SELENOF: variants seen among roughly 807,000 people sequenced by gnomAD.
SELENOF encodes 15 kDa selenoprotein.
Under a neutral mutation model 20.5 loss-of-function variants are expected in SELENOF, and 16 were observed. The observed-to-expected ratio is 0.78, with a 90% confidence interval of 0.53 to 1.19. The LOEUF is 1.19. Ranked by LOEUF, SELENOF falls within the 50% of genes most tolerant of loss-of-function variation. The pLI, the probability that SELENOF is intolerant of heterozygous loss-of-function variation, is 0.00. For missense variants in SELENOF, 215 were observed against 194.2 expected, an observed-to-expected ratio of 1.11 and a Z score of -0.64; for synonymous variants, 78 against 74.5, an observed-to-expected ratio of 1.05 and a Z score of -0.24.
chr1:86,869,994 C>T lies in SELENOF; in HGVS notation c.317-1892G>A, dbSNP rs543074953. Among the ~76,000 whole-genome samples the T allele has an allele frequency of 1.3e-4, 20 of 152,210 alleles. No homozygotes were observed. In the South Asian group the frequency reaches 1.9e-3, roughly 14 times the overall value. ...TTCACCATGTTAGCCAGGATGGTCT[C>T]GATCTCCTGACCTTGTGATCCGCCT... On this transcript the variant is annotated intron_variant, in intron 3 of 4. Coordinates refer to ENST00000331835, the MANE Select transcript of SELENOF (RefSeq NM_004261.5).
chr1:86,906,643 A>AAGG (rs1293478365), intron 1 of SELENOF, among the ~76,000 whole-genome samples: 1 of 152,212 alleles, frequency 6.6e-6, no homozygotes, highest in African/African-American at 2.4e-5. Flanking sequence ...GACAACATGG[A>AAGG]AGGGCCCATG....
chr1:86,906,941 A>C (rs540775333), intron 1 of SELENOF, among the ~76,000 whole-genome samples: 2 of 152,394 alleles, frequency 1.3e-5, no homozygotes, highest in South Asian at 4.1e-4. Context: ...ACTCGTTAAC[A>C]AACGTATAAA....
rs1312106745 is a variant in SELENOF at position 86,862,605 on chromosome 1, A to C, written c.*869T>G. ...CCAACAATAAGATGTTATAAGTTTT[A>C]AATATTACAGCCATTTTTACATTTT... On this transcript the variant is annotated 3_prime_UTR_variant, in exon 5 of 5. Coordinates refer to ENST00000331835, the MANE Select transcript of SELENOF (RefSeq NM_004261.5). 6.6e-6 allele frequency: 1 copy of C among 152,224 alleles called. No homozygotes were observed. The highest frequency in any genetic ancestry group is 2.1e-4 in the South Asian group (1 of 4,834). 9.4% of individuals were successfully genotyped at this position (152,224 alleles called of 1,614,324 possible). A position where few individuals can be genotyped will look rare whatever the true frequency, so the allele number is the denominator to read the frequency against.
chr1:86,881,169 A>C (rs1659057786), intron 2 of SELENOF, among the ~76,000 whole-genome samples: 1 of 152,068 alleles, frequency 6.6e-6, no homozygotes, highest in African/African-American at 2.4e-5. Context: ...CAAAGTTTTA[A>C]AATTAAAACA....
At chr1:86,898,852 T>G (rs1013000200) in intron 2 of SELENOF, among the ~76,000 whole-genome samples, 22 of 151,730 alleles carry the variant, frequency 1.4e-4, no homozygotes, top group Non-Finnish European at 2.4e-4. Flanking sequence ...GGCAGGGTCA[T>G]AGGACAATAG....
chr1:86,907,970 G>C (rs1048903627), intron 1 of SELENOF, among the ~76,000 whole-genome samples: 13 of 149,496 alleles, frequency 8.7e-5, no homozygotes, highest in Non-Finnish European at 1.5e-4. Flanking sequence ...TGGGCGGTAA[G>C]TGTGAATCGC....
At chr1:86,885,822 G>C (rs867541301) in intron 2 of SELENOF, among the ~76,000 whole-genome samples, 2 of 152,156 alleles carry the variant, frequency 1.3e-5, no homozygotes, top group African/African-American at 4.8e-5. Flanking sequence ...CATTCACTGA[G>C]CTTCAGTTTA....
intron 1 of SELENOF, among the ~76,000 whole-genome samples, chr1:86,908,378 A>C (rs1251918433): frequency 2.0e-5 from 3 of 152,254 alleles, no homozygotes; most frequent in Non-Finnish European, 4.4e-5. Context: ...AGTACTTTAC[A>C]TTATTATTCC....
chr1:86,900,836 G>C (rs903580018), intron 2 of SELENOF, among the ~76,000 whole-genome samples: 1 of 152,148 alleles, frequency 6.6e-6, no homozygotes, highest in African/African-American at 2.4e-5. Context: ...TCACACCCGA[G>C]TTGACTTTTA....
At chr1:86,881,223 G>A (rs1367467512) in intron 2 of SELENOF, among the ~76,000 whole-genome samples, 1 of 152,122 alleles carries the variant, frequency 6.6e-6, no homozygotes, top group South Asian at 2.1e-4. Flanking sequence ...AAGAAAAGCA[G>A]TAAAATCTCA....
At chr1:86,912,888 T>G (rs552804963) in intron 1 of SELENOF, among the ~76,000 whole-genome samples, 33 of 151,964 alleles carry the variant, frequency 2.2e-4, no homozygotes, top group South Asian at 2.1e-3. Context: ...TATAGACAAC[T>G]GACAGTCAAA....
At chr1:86,909,299 T>C (rs1246206460) in intron 1 of SELENOF, among the ~76,000 whole-genome samples, 1 of 152,248 alleles carries the variant, frequency 6.6e-6, no homozygotes, top group Non-Finnish European at 1.5e-5. Flanking sequence ...TTGCTTTCTT[T>C]TCTTAAAAGC....
At chr1:86,895,646 ACTT>A (rs1027776244) in intron 2 of SELENOF, among the ~76,000 whole-genome samples, 1 of 152,226 alleles carries the variant, frequency 6.6e-6, no homozygotes, top group Admixed American at 6.5e-5. Context: ...ATTAGTCTAA[ACTT>A]CTTTGTTTTT....
chr1:86,913,559 TAA>T (rs1171763200), intron 1 of SELENOF, among the ~76,000 whole-genome samples: 1 of 152,106 alleles, frequency 6.6e-6, no homozygotes, highest in Non-Finnish European at 1.5e-5. Context: ...GAACGGAAGT[TAA>T]GAGACTAACA....
At chr1:86,873,687 C>T (rs1658846095) in intron 3 of SELENOF, among the ~76,000 whole-genome samples, 1 of 151,562 alleles carries the variant, frequency 6.6e-6, no homozygotes, top group Non-Finnish European at 1.5e-5. Flanking sequence ...CCCATCTCTA[C>T]AAAAAATACA....
chr1:86,887,167 G>A, intron 2 of SELENOF: 1 of 1,541,740 alleles, frequency 6.5e-7, no homozygotes, highest in African/African-American at 1.4e-5. Flanking sequence ...TTGAGTGATG[G>A]CATTCTTGCT....
At chr1:86,911,128 A>G (rs931134598) in intron 1 of SELENOF, among the ~76,000 whole-genome samples, 7 of 152,246 alleles carry the variant, frequency 4.6e-5, no homozygotes, top group African/African-American at 9.6e-5. Context: ...AAACTATGGA[A>G]CGTATCTCAG....
At position 86,863,305 on chromosome 1, in the gene SELENOF, A is replaced by G. The variant is rs1658506857; in HGVS notation, c.*169T>C. ...AAAATGGGTTTTGTTAAGCTTGCCA[A>G]CTCCTTAGATATCATGGACTATACT... On this transcript the variant is annotated 3_prime_UTR_variant, in exon 5 of 5. Coordinates refer to ENST00000331835, the MANE Select transcript of SELENOF (RefSeq NM_004261.5). 1 of 486,914 alleles carries G rather than the reference A, an allele frequency of 2.1e-6. No homozygotes were observed. The highest frequency in any genetic ancestry group is 2.0e-5 in the African/African-American group (1 of 49,986). 30.2% of individuals were successfully genotyped at this position (486,914 alleles called of 1,614,324 possible).
chr1:86,884,372 CACACATAT>C (rs1261570692), intron 2 of SELENOF, among the ~76,000 whole-genome samples: 1 of 150,170 alleles, frequency 6.7e-6, no homozygotes, highest in African/African-American at 2.5e-5. Flanking sequence ...CACACACACA[CACACATAT>C]ACACACACAT....
Sources: gnomAD v4.1 joint callset for allele counts (sites outside exome capture counted in the v4.1 genomes callset) on GRCh38, gnomAD v4.1.1 for gene constraint, MANE v1.5 for transcripts, NCBI Gene and HGNC (gene_info 2026-07-23, HGNC 2026-07-21) for gene names.